Variants in KLHL12 observed in about 807,000 individuals in gnomAD.
The protein encoded by KLHL12 is kelch like family member 12.
In KLHL12, 17 loss-of-function variants were observed where a neutral mutation model predicts 60.8. That is an observed-to-expected ratio of 0.28 (90% CI 0.19 to 0.42). The LOEUF (loss-of-function observed/expected upper bound fraction) is 0.42, where lower values mean the gene tolerates loss of function less well. KLHL12 is among the 10% of genes least tolerant of loss of function. The probability of loss-of-function intolerance (pLI) is 1.00; values close to 1 mark genes in which losing one functional copy is unlikely to be tolerated. For synonymous variants in KLHL12, 220 were observed against 250.9 expected, an observed-to-expected ratio of 0.88 and a Z score of 1.16; for missense variants, 468 against 722.3, an observed-to-expected ratio of 0.65 and a Z score of 4.04.
intron 6 of KLHL12, among the ~76,000 whole-genome samples, chr1:202,899,367 CATTAT>C (rs1233669513): frequency 5.3e-5 from 8 of 152,220 alleles, no homozygotes; most frequent in Non-Finnish European, 1.2e-4. Flanking sequence ...TATGGGGGAT[CATTAT>C]ATTACTATTT....
intron 4 of KLHL12, chr1:202,912,199 G>C: frequency 1.0e-6 from 1 of 1,003,458 alleles, no homozygotes; most frequent in South Asian, 1.3e-5. Flanking sequence ...GAACAGTTTG[G>C]AAAAACGGAA....
At chr1:202,928,420 A>ATGCC (rs1653727562), upstream of KLHL12, 1 of 1,012,554 alleles carries the variant, frequency 9.9e-7, no homozygotes, top group South Asian at 1.3e-5. Flanking sequence ...TAGGCAGGGC[A>ATGCC]GGCAGAGAGA....
chr1:202,912,494 G>A, intron 4 of KLHL12: 2 of 944,990 alleles, frequency 2.1e-6, no homozygotes, highest in East Asian at 2.4e-5. Flanking sequence ...CAGTGAGGAT[G>A]GCGATAATGG....
At chr1:202,892,813 T>G (rs999361796) in intron 11 of KLHL12, among the ~76,000 whole-genome samples, 154 bp from the exon 12 acceptor site, 8 of 152,102 alleles carry the variant, frequency 5.3e-5, no homozygotes, top group African/African-American at 1.9e-4. Context: ...AGACCCTGTC[T>G]CAATAAAATT....
chr1:202,912,566 A>C, intron 4 of KLHL12: 2 of 1,148,000 alleles, frequency 1.7e-6, no homozygotes, highest in African/African-American at 1.5e-5. Context: ...TGGCAACTAC[A>C]ATAATCAGTC....
At chr1:202,912,216 G>T in intron 4 of KLHL12, 3 of 1,088,672 alleles carry the variant, frequency 2.8e-6, no homozygotes, top group Non-Finnish European at 4.2e-6. Flanking sequence ...GGAAGTGATT[G>T]AAATCATGAC....
intron 3 of KLHL12, among the ~76,000 whole-genome samples, chr1:202,919,241 G>A (rs985416495): frequency 6.6e-6 from 1 of 152,200 alleles, no homozygotes; most frequent in Non-Finnish European, 1.5e-5. Context: ...GGGTGACAGA[G>A]TGAGACTCTG....
In KLHL12 at chr1:202,909,882, G is replaced by C. The variant is rs1481665253; in HGVS notation, c.718-758C>G. On this transcript the variant is annotated intron_variant, in intron 5 of 11. Coordinates refer to ENST00000367261, the MANE Select transcript of KLHL12 (RefSeq NM_021633.4). This position sits in a 1 kb window ranked among gnomAD's most constrained non-coding sequence, Gnocchi z 4.1. Reference sequence around the variant, plus strand: ...TGTCCTAGATCCAGGTTATTTCACTGTCTTTTGTTGTTTCTCTGAACTTGC... The same window carrying C: ...TGTCCTAGATCCAGGTTATTTCACTCTCTTTTGTTGTTTCTCTGAACTTGC... 6.6e-6 allele frequency among the ~76,000 whole-genome samples: 1 copy of C among 152,114 alleles called. No homozygotes were observed. The highest frequency in any genetic ancestry group is 1.5e-5 in the Non-Finnish European group (1 of 68,022).
intron 3 of KLHL12, among the ~76,000 whole-genome samples, chr1:202,918,923 T>C (rs184608213): frequency 3.9e-4 from 59 of 152,268 alleles, no homozygotes; most frequent in Admixed American, 3.7e-3. Flanking sequence ...ATTATGTATA[T>C]ATAAAAACTG....
chr1:202,896,110 T>C (rs181824999), intron 7 of KLHL12, among the ~76,000 whole-genome samples: 2 of 152,260 alleles, frequency 1.3e-5, no homozygotes, highest in African/African-American at 4.8e-5. Flanking sequence ...CCTTAAAAGG[T>C]AGGAGGGTTG....
chr1:202,922,432 AG>A (rs1199565712), intron 2 of KLHL12, among the ~76,000 whole-genome samples: 1 of 150,994 alleles, frequency 6.6e-6, no homozygotes, highest in Non-Finnish European at 1.5e-5. Context: ...CCAGGCGTCA[AG>A]GAAAAAAAAA....
chr1:202,898,829 A>G lies in KLHL12; in HGVS notation c.833-1869T>C, dbSNP rs142122234. On this transcript the variant is annotated intron_variant, in intron 6 of 11. Coordinates refer to ENST00000367261, the MANE Select transcript of KLHL12 (RefSeq NM_021633.4). ...TTGTCTGGATTCTGATTTGAACAAC[A>G]TAAGTACTCAAAAACAAACAACAAA... is the stretch of plus-strand genomic sequence containing the variant. Among the ~76,000 whole-genome samples, 817 of 152,108 alleles carry G rather than the reference A, an allele frequency of 5.4e-3. 10 individuals carry two copies. The highest frequency in any genetic ancestry group is 0.019 in the African/African-American group (779 of 41,484).
Position 202,908,992 on chromosome 1 carries a change from G to A in KLHL12, c.832+18C>T. The A allele has an allele frequency of 6.7e-7, 1 of 1,500,108 alleles. No individual in the cohort carries two copies. The highest frequency in any genetic ancestry group is 9.3e-7 in the Non-Finnish European group (1 of 1,076,742). The allele number at this position is 1,500,108 out of a possible 1,614,324, so 92.9% of individuals were successfully genotyped here. On this transcript the variant is annotated intron_variant, in intron 6 of 11. Transcript: ENST00000367261. ...TAGTTGAAAAGCATCCCCTCATTCTGCCGAGATACCAGCTTACCTAGGCGA... is the reference window on the plus strand; with the variant it reads ...TAGTTGAAAAGCATCCCCTCATTCTACCGAGATACCAGCTTACCTAGGCGA...
Position 202,912,611 on chromosome 1 carries a change from G to A in KLHL12, c.568-1408C>T, listed in dbSNP as rs539781970. On this transcript the variant is annotated intron_variant, in intron 4 of 11. Coordinates refer to ENST00000367261, the MANE Select transcript of KLHL12 (RefSeq NM_021633.4). ...TGGACCCATGAAGGGAGGAAACTTT[G>A]GAGGCAGAAGCTCTGGGCCCCTATG... The A allele has an allele frequency of 5.3e-6, 7 of 1,331,818 alleles. No individual in the cohort carries two copies. In the South Asian group the frequency reaches 8.2e-5, roughly 16 times the overall value. The allele number at this position is 1,331,818 out of a possible 1,614,324, so 82.5% of individuals were successfully genotyped here.
In KLHL12 at chr1:202,893,116, C is replaced by T; in HGVS notation, c.1580+123G>A. ...ATAAAAAAAATCTAATAAAAAAAAT[C>T]AAGTTGCCACTGGAGATGTCTACCC... is the stretch of plus-strand genomic sequence containing the variant. On this transcript the variant is annotated intron_variant, in intron 11 of 11. Coordinates refer to ENST00000367261, the MANE Select transcript of KLHL12 (RefSeq NM_021633.4). The surrounding 1 kb of genome is among the most constrained non-coding windows in gnomAD (Gnocchi z 4.1). The T allele has an allele frequency of 2.9e-6, 2 of 694,476 alleles. No homozygotes were observed. The highest frequency in any genetic ancestry group is 2.3e-5 in the South Asian group (1 of 43,788). The allele number at this position is 694,476 out of a possible 1,614,324, so 43.0% of individuals were successfully genotyped here.
intron 4 of KLHL12, among the ~76,000 whole-genome samples, chr1:202,913,995 TG>T (rs529461041): frequency 2.4e-3 from 362 of 152,316 alleles, no homozygotes; most frequent in African/African-American, 8.4e-3. Context: ...TGAACAGCTC[TG>T]TTCTACAGCA....
Position 202,918,461 on chromosome 1 carries a change from C to T in KLHL12, c.350-73G>A, listed in dbSNP as rs1032273346. On this transcript the variant is annotated intron_variant, in intron 3 of 11. Transcript: ENST00000367261. ...TGATCTAGGATATATTCTTGTATCT[C>T]AGCATCTTCTCTACATGTTATCAGA... 6.2e-6 allele frequency: 7 copies of T among 1,131,302 alleles called. No homozygotes were observed. The East Asian group carries it at 1.4e-4, about 23-fold the overall frequency. The allele number at this position is 1,131,302 out of a possible 1,614,324, so 70.1% of individuals were successfully genotyped here.
Position 202,894,254 on chromosome 1 carries a change from A to G in KLHL12, c.1323T>C (p.Asn441=), listed in dbSNP as rs771726087. 43 of 1,556,766 alleles carry G rather than the reference A, an allele frequency of 2.8e-5. No individual in the cohort carries two copies. Among genetic ancestry groups the G allele is most frequent in the Admixed American group, 3.9e-5 (2 of 51,580 alleles). Reference sequence around the variant, plus strand: ...TATGAGGGTCGTATTTCTCAACTGAATTTAAGATATTCAAGCCGTCATATC... The same window carrying G: ...TATGAGGGTCGTATTTCTCAACTGAGTTTAAGATATTCAAGCCGTCATATC... ...LGGYDGLNIL[N]SVEKYDPHTG... The change falls in exon 10 of 12, where the codon AAT becomes AAC. Residue 441 remains asparagine (N), a synonymous_variant. Coordinates refer to ENST00000367261, the MANE Select transcript of KLHL12 (RefSeq NM_021633.4).
chr1:202,893,245 A>G lies in KLHL12; in HGVS notation c.1574T>C (p.Ile525Thr), dbSNP rs1659732159. 6.3e-7 allele frequency: 1 copy of G among 1,599,698 alleles called. No individual in the cohort carries two copies. The highest frequency in any genetic ancestry group is 1.3e-5 in the African/African-American group (1 of 74,192). ...ATVLRGRLYA[I>T]AGYDGNSLLS... is the part of the protein sequence containing the mutation. ...TTCGTTTCTAAATCCTCACCCTGCA[A>G]TTGCATAGAGTCTCCCCCGAAGCAC... is the stretch of plus-strand genomic sequence containing the variant. The change falls in exon 11 of 12, where the codon ATT (isoleucine) becomes ACT (threonine). Residue 525 changes from isoleucine (I) to threonine (T), a missense_variant. Ile to Thr is a moderately conservative substitution (Grantham distance 89). Around this residue, in one of 4 missense-constraint regions of KLHL12, gnomAD observed 68 missense variants for 119.8 expected, o/e 0.57. Transcript: ENST00000367261. The surrounding 1 kb of genome is among the most constrained non-coding windows in gnomAD (Gnocchi z 4.1).
Sources: allele counts gnomAD v4.1 joint callset (sites outside exome capture counted in the v4.1 genomes callset), GRCh38; gene constraint gnomAD v4.1.1; regional missense constraint gnomAD v4.1.1; non-coding constraint Gnocchi (gnomAD v3.1); transcripts MANE v1.5; gene names NCBI Gene and HGNC (gene_info 2026-07-23, HGNC 2026-07-21).